The following PARD3 variants were observed in gnomAD, a reference collection of about 807,000 sequenced individuals.
PARD3 encodes the protein partitioning defective 3 homolog.
PARD3 carries 75 observed loss-of-function variants against 155.4 expected under a neutral mutation model. The observed-to-expected ratio is 0.48, with a 90% CI of 0.40 to 0.58. The LOEUF is 0.58. Ranked by LOEUF, PARD3 falls within the 20% of genes least tolerant of loss-of-function variation. The pLI, the probability that PARD3 is intolerant of heterozygous loss-of-function variation, is 0.00. For synonymous variants in PARD3, 576 were observed against 610.5 expected (o/e 0.94, Z 0.83); for missense variants, 1,642 against 1,721.7 (o/e 0.95, Z 0.82).
intron 2 of PARD3, among the ~76,000 whole-genome samples, chr10:34,673,599 G>A (rs2093646237): frequency 6.6e-6 from 1 of 152,156 alleles, no homozygotes; most frequent in Admixed American, 6.5e-5. Flanking sequence ...CTTTAGGGCT[G>A]GGGTGACATT....
chr10:34,242,548 T>C (rs1480847659), intron 22 of PARD3, among the ~76,000 whole-genome samples: 1 of 152,184 alleles, frequency 6.6e-6, no homozygotes, highest in Non-Finnish European at 1.5e-5. Context: ...CAGAAATATA[T>C]GATTCTAAAG....
intron 14 of PARD3, among the ~76,000 whole-genome samples, chr10:34,357,164 G>T (rs1450799883): frequency 6.6e-6 from 1 of 152,110 alleles, no homozygotes; most frequent in African/African-American, 2.4e-5. Flanking sequence ...TCACTATTTG[G>T]GGGGAACAAT....
intron 3 of PARD3, among the ~76,000 whole-genome samples, chr10:34,510,415 T>C (rs1320145663): frequency 6.6e-6 from 1 of 152,228 alleles, no homozygotes; most frequent in African/African-American, 2.4e-5. Context: ...TTGGATGGTC[T>C]TCACTTATTT....
chr10:34,629,134 G>T (rs528974602), intron 2 of PARD3, among the ~76,000 whole-genome samples: 2 of 152,286 alleles, frequency 1.3e-5, no homozygotes, highest in South Asian at 4.1e-4. Context: ...AAAGGTCCCT[G>T]GGCAGAAACA....
At chr10:34,254,099 A>G (rs1287520675) in intron 22 of PARD3, among the ~76,000 whole-genome samples, 2 of 152,184 alleles carry the variant, frequency 1.3e-5, no homozygotes, top group Non-Finnish European at 2.9e-5. Context: ...AAAAATTTTA[A>G]GGCCGGGAGT....
chr10:34,643,988 T>C (rs1008875549), intron 2 of PARD3, among the ~76,000 whole-genome samples: 32 of 152,336 alleles, frequency 2.1e-4, no homozygotes, highest in Admixed American at 1.7e-3. Flanking sequence ...GGGATGTGTA[T>C]GTGCCTTCGT....
Position 34,351,656 on chromosome 10 carries a change from A to C in PARD3, c.2068-3541T>G, listed in dbSNP as rs566946834. ...ACCAGAAATGTGAGGTGAGCTCCTC[A>C]AGTCAGCACATGGCAGAACCAGAAT... On this transcript the variant is annotated intron_variant, in intron 14 of 24. Transcript: ENST00000374788. 2.0e-5 allele frequency among the ~76,000 whole-genome samples: 3 copies of C among 152,364 alleles called. No individual in the cohort carries two copies. In the South Asian group the frequency reaches 6.2e-4, roughly 32 times the overall value.
intron 3 of PARD3, among the ~76,000 whole-genome samples, chr10:34,483,890 T>C (rs1292873168): frequency 6.6e-6 from 1 of 152,244 alleles, no homozygotes; most frequent in Non-Finnish European, 1.5e-5. Flanking sequence ...AGGTGTGATC[T>C]GTATAAAGAC....
At chr10:34,710,304 C>T (rs1219275702) in intron 1 of PARD3, among the ~76,000 whole-genome samples, 2 of 152,202 alleles carry the variant, frequency 1.3e-5, no homozygotes, top group East Asian at 1.9e-4. Context: ...CAGCCATAGA[C>T]AAAAGAACTG....
At chr10:34,272,712 C>T (rs1332477381) in intron 21 of PARD3, among the ~76,000 whole-genome samples, 1 of 152,074 alleles carries the variant, frequency 6.6e-6, no homozygotes, top group South Asian at 2.1e-4. Context: ...TGTGACAGAG[C>T]AAGATCCTGA....
At chr10:34,618,359 G>A (rs2091406393) in intron 2 of PARD3, among the ~76,000 whole-genome samples, 1 of 152,146 alleles carries the variant, frequency 6.6e-6, no homozygotes, top group Non-Finnish European at 1.5e-5. Flanking sequence ...CGCAAACACT[G>A]AAATAGATTC....
At chr10:34,542,235 G>T (rs1329715584) in intron 2 of PARD3, among the ~76,000 whole-genome samples, 1 of 166 alleles carries the variant, frequency 6.0e-3, no homozygotes, top group African/African-American at 7.4e-3. Flanking sequence ...GTGTGTGTGT[G>T]TGTGCACACA....
intron 1 of PARD3, among the ~76,000 whole-genome samples, chr10:34,804,772 T>A (rs1843162125): frequency 6.6e-6 from 1 of 152,216 alleles, no homozygotes; most frequent in Admixed American, 6.5e-5. Flanking sequence ...ACATAAAAAC[T>A]TTTTTCCAAT....
In PARD3 at chr10:34,517,062, T is replaced by A; in HGVS notation, c.320A>T (p.Glu107Val). The change falls in exon 3 of 25, where the codon GAG becomes GTG. Residue 107 changes from glutamate (E) to valine (V), a missense_variant. Glu to Val is a moderately radical substitution (Grantham distance 121). Coordinates refer to ENST00000374788, the MANE Select transcript of PARD3 (RefSeq NM_001184785.2). The stretch of plus-strand genomic sequence containing the variant: ...GGCTGAGACATTGTTGGTGCCAAGC[T>A]CACTACCAAATATCTCTGGGCTCTG... ...GTQSPEIFGS[E>V]LGTNNVSAFQ... The A allele has an allele frequency of 6.2e-7, 1 of 1,614,194 alleles. No individual in the cohort carries two copies. The highest frequency in any genetic ancestry group is 8.5e-7 in the Non-Finnish European group (1 of 1,180,026).
intron 1 of PARD3, among the ~76,000 whole-genome samples, chr10:34,751,267 T>C (rs950274940): frequency 4.6e-5 from 7 of 152,160 alleles, no homozygotes; most frequent in African/African-American, 1.7e-4. Context: ...ATAAATGGAA[T>C]TGGTTGCTGT....
chr10:34,736,489 T>A (rs1370823149), intron 1 of PARD3, among the ~76,000 whole-genome samples: 1 of 151,606 alleles, frequency 6.6e-6, no homozygotes, highest in Non-Finnish European at 1.5e-5. Flanking sequence ...CCACCACACC[T>A]AGCTAAATTT....
At chr10:34,456,140 C>T (rs2077327034) in intron 4 of PARD3, among the ~76,000 whole-genome samples, 1 of 152,196 alleles carries the variant, frequency 6.6e-6, no homozygotes. Flanking sequence ...AAAACAACCA[C>T]ATCGGGATCA....
intron 2 of PARD3, among the ~76,000 whole-genome samples, chr10:34,621,813 C>T (rs972335849): frequency 2.0e-5 from 3 of 152,126 alleles, no homozygotes; most frequent in African/African-American, 7.2e-5. Flanking sequence ...TCTTATTAAA[C>T]CAACTTCATA....
Position 34,311,747 on chromosome 10 carries a change from C to G in PARD3, c.3065+5360G>C, listed in dbSNP as rs190537709. Among the ~76,000 whole-genome samples, 27 of 152,294 alleles carry G rather than the reference C, an allele frequency of 1.8e-4. No individual in the cohort carries two copies. In the East Asian group the frequency reaches 5.0e-3, roughly 28 times the overall value. On this transcript the variant is annotated intron_variant, in intron 20 of 24. Transcript: ENST00000374788. ...AATTTATTTTCCTACACCACCACCC[C>G]CCTGCCAACCACCCATTTTTGGTCT...
Sources: allele counts gnomAD v4.1 joint callset (sites outside exome capture counted in the v4.1 genomes callset), GRCh38; gene constraint gnomAD v4.1.1; transcripts MANE v1.5; gene names NCBI Gene and HGNC (gene_info 2026-07-23, HGNC 2026-07-21).